ATP13A5: variants seen among roughly 807,000 people sequenced by gnomAD.
ATP13A5 encodes probable cation-transporting ATPase 13A5.
In ATP13A5, 149 loss-of-function variants were observed where a neutral mutation model predicts 150.2. The observed-to-expected ratio is 0.99, with a 90% CI of 0.87 to 1.14. The LOEUF (loss-of-function observed/expected upper bound fraction) is 1.14, where lower values mean the gene tolerates loss of function less well. Ranked by LOEUF, ATP13A5 falls within the 50% of genes most tolerant of loss-of-function variation. ATP13A5 has a pLI of 0.00. For missense variants in ATP13A5, 1,383 were observed against 1,449.3 expected (o/e 0.95, Z 0.74); for synonymous variants, 497 against 522.2 (o/e 0.95, Z 0.66).
intron 9 of ATP13A5, among the ~76,000 whole-genome samples, chr3:193,342,475 G>T (rs892626018): frequency 1.3e-5 from 2 of 152,200 alleles, no homozygotes; most frequent in Admixed American, 1.3e-4. Flanking sequence ...TTTACTTCAT[G>T]TGTCTGTCTC....
intron 18 of ATP13A5, 22 bp downstream of exon 18, chr3:193,314,950 G>T (rs1434408561): frequency 1.0e-5 from 16 of 1,605,842 alleles, no homozygotes; most frequent in African/African-American, 2.7e-5. Flanking sequence ...AACTTGCCAG[G>T]CCCCTAGAAA....
intron 1 of ATP13A5, among the ~76,000 whole-genome samples, chr3:193,369,158 C>G: frequency 6.6e-6 from 1 of 151,930 alleles, no homozygotes; most frequent in East Asian, 1.9e-4. Flanking sequence ...GTGGGAGGAT[C>G]GCTTGAGCCC....
chr3:193,324,790 A>C, intron 14 of ATP13A5, 74 bp downstream of exon 14: 2 of 1,529,598 alleles, frequency 1.3e-6, no homozygotes, highest in Non-Finnish European at 8.9e-7. Context: ...GTTTTAACAA[A>C]AATTAGAAAA....
At chr3:193,368,627 A>G (rs1713334111) in intron 1 of ATP13A5, among the ~76,000 whole-genome samples, 1 of 152,200 alleles carries the variant, frequency 6.6e-6, no homozygotes, top group African/African-American at 2.4e-5. Context: ...AGAGACTCAA[A>G]CATATGATTT....
rs759724877 is a variant in ATP13A5 at position 193,344,613 on chromosome 3, T to C, written c.814+390A>G. 3.3e-5 allele frequency among the ~76,000 whole-genome samples: 5 copies of C among 152,100 alleles called. No homozygotes were observed. In the South Asian group the frequency reaches 1.0e-3, roughly 32 times the overall value. ...GTGATGCAGGGTCTGTTTGGGATAG[T>C]TAGACTGGGAAATAAAGGAACCTTA... On this transcript the variant is annotated intron_variant, in intron 8 of 29. Coordinates refer to ENST00000342358, the MANE Select transcript of ATP13A5 (RefSeq NM_198505.4).
intron 14 of ATP13A5, chr3:193,323,588 A>G (rs1283225356): frequency 6.6e-6 from 1 of 152,168 alleles, no homozygotes; most frequent in Non-Finnish European, 1.5e-5. Context: ...ATATAAAATG[A>G]CCCTGCACAA....
intron 7 of ATP13A5, among the ~76,000 whole-genome samples, chr3:193,350,133 A>C (rs1234272477): frequency 6.6e-6 from 1 of 152,016 alleles, no homozygotes; most frequent in Non-Finnish European, 1.5e-5. Flanking sequence ...TGAAAAATGA[A>C]AGTTCCAGAT....
At chr3:193,354,071 A>G in intron 6 of ATP13A5, 56 bp downstream of exon 6, 1 of 1,433,964 alleles carries the variant, frequency 7.0e-7, no homozygotes, top group Non-Finnish European at 9.6e-7. Context: ...CTAGGAAGTA[A>G]GAAGTAAGGG....
chr3:193,285,597 A>G (rs1471469439), intron 26 of ATP13A5, among the ~76,000 whole-genome samples: 1 of 152,098 alleles, frequency 6.6e-6, no homozygotes, highest in African/African-American at 2.4e-5. Context: ...ATTAAGCTCA[A>G]ACTTCTCCAA....
intron 1 of ATP13A5, among the ~76,000 whole-genome samples, chr3:193,366,194 A>G (rs138409942): frequency 1.4e-3 from 212 of 152,196 alleles, no homozygotes; most frequent in African/African-American, 4.9e-3. Context: ...GAAAAGAACA[A>G]AGAACAAGTA....
Position 193,319,038 on chromosome 3 carries a change from G to T in ATP13A5, c.1986C>A (p.His662Gln), listed in dbSNP as rs759454971. The T allele has an allele frequency of 6.2e-7, 1 of 1,613,954 alleles. No homozygotes were observed. The highest frequency in any genetic ancestry group is 8.5e-7 in the Non-Finnish European group (1 of 1,179,862). ...VQGFRVIALA[H>Q]KTLKMGNLSE... Reference sequence around the variant, plus strand: ...AAAGATTCCCCATCTTTAAGGTTTTGTGGGCAAGAGCAATGACACGGAAGC... The same window carrying T: ...AAAGATTCCCCATCTTTAAGGTTTTTTGGGCAAGAGCAATGACACGGAAGC... Residue 662 changes from histidine (H) to glutamine (Q), a missense_variant, in exon 17 of 30, where the codon CAC becomes CAA. By Grantham distance (24) the His-to-Gln change is conservative (BLOSUM62 0). This residue lies in a region of ATP13A5 where 28 missense variants were observed against 55.9 expected (regional missense o/e 0.50). Coordinates refer to ENST00000342358, the MANE Select transcript of ATP13A5 (RefSeq NM_198505.4).
chr3:193,291,255 C>T (rs1717943091), intron 25 of ATP13A5, among the ~76,000 whole-genome samples: 1 of 152,040 alleles, frequency 6.6e-6, no homozygotes, highest in African/African-American at 2.4e-5. Context: ...CCAGATCAAT[C>T]AATGTTTTCC....
intron 9 of ATP13A5, among the ~76,000 whole-genome samples, chr3:193,337,287 G>T (rs1047484878): frequency 1.6e-4 from 24 of 152,114 alleles, no homozygotes; most frequent in African/African-American, 5.6e-4. Context: ...ATTGCTTTTG[G>T]TGTTTTAGAC....
intron 7 of ATP13A5, among the ~76,000 whole-genome samples, chr3:193,348,142 C>T (rs904864036): frequency 1.3e-5 from 2 of 152,164 alleles, no homozygotes; most frequent in African/African-American, 2.4e-5. Flanking sequence ...TCTATGGCAA[C>T]CAACTAGCTA....
intron 26 of ATP13A5, 96 bp downstream of exon 26, chr3:193,289,784 TAATTA>T (rs1366084529): frequency 8.8e-7 from 1 of 1,142,340 alleles, no homozygotes; most frequent in Non-Finnish European, 1.2e-6. Flanking sequence ...ACAATTTGAT[TAATTA>T]AAAGTTTTAG....
intron 24 of ATP13A5, among the ~76,000 whole-genome samples, chr3:193,299,542 T>A (rs568570095): frequency 6.6e-6 from 1 of 152,284 alleles, no homozygotes; most frequent in East Asian, 1.9e-4. Context: ...CCCTTAGAAA[T>A]GTTATACTTA....
At chr3:193,296,281 G>T (rs1443570458) in intron 25 of ATP13A5, among the ~76,000 whole-genome samples, 3 of 152,090 alleles carry the variant, frequency 2.0e-5, no homozygotes, top group African/African-American at 7.2e-5. Context: ...AAGCTCTGAT[G>T]AATTCACCAA....
In ATP13A5 at chr3:193,333,816, G is replaced by A. The variant is rs1711739155; in HGVS notation, c.1206C>T (p.Ile402=). The change falls in exon 11 of 30, where the codon ATC becomes ATT. Residue 402 remains isoleucine, a synonymous_variant. Transcript: ENST00000342358. Reference sequence around the variant, plus strand: ...TGACACCAAGGCAGGCCAGGAACACGATGAACTTGAAGGCATCGCTGTATA... The same window carrying A: ...TGACACCAAGGCAGGCCAGGAACACAATGAACTTGAAGGCATCGCTGTATA... The part of the protein sequence containing the change: ...FKLYSDAFKF[I]VFLACLGVMG... The A allele has an allele frequency of 5.0e-6, 8 of 1,613,836 alleles. No homozygotes were observed. The highest frequency in any genetic ancestry group is 1.6e-4 in the Middle Eastern group (1 of 6,074).
chr3:193,352,973 C>T (rs141307862), intron 6 of ATP13A5, among the ~76,000 whole-genome samples: 3 of 151,978 alleles, frequency 2.0e-5, no homozygotes, highest in African/African-American at 4.8e-5. Flanking sequence ...AGAGACAGAA[C>T]GTGTCCCTTA....
Sources: allele counts gnomAD v4.1 joint callset (sites outside exome capture counted in the v4.1 genomes callset), GRCh38; gene constraint gnomAD v4.1.1; regional missense constraint gnomAD v4.1.1; transcripts MANE v1.5; gene names NCBI Gene and HGNC (gene_info 2026-07-23, HGNC 2026-07-21).